KDM4C: variants seen among roughly 807,000 people sequenced by gnomAD.
KDM4C encodes lysine-specific demethylase 4C.
Under a neutral mutation model 129.3 loss-of-function variants are expected in KDM4C, and 81 were observed. The ratio of observed to expected loss-of-function variants is 0.63; its 90% CI spans 0.52 to 0.75. KDM4C has a LOEUF of 0.75. Ranked by LOEUF, KDM4C falls within the 30% of genes least tolerant of loss-of-function variation. The pLI, the probability that KDM4C is intolerant of heterozygous loss-of-function variation, is 0.00. For synonymous variants in KDM4C, 573 were observed against 456.1 expected, an observed-to-expected ratio of 1.26 and a Z score of -3.26; for missense variants, 1,457 against 1,304.0, an observed-to-expected ratio of 1.12 and a Z score of -1.81.
intron 4 of KDM4C, chr9:6,835,424 TGAA>T: frequency 8.6e-7 from 1 of 1,169,440 alleles, no homozygotes; most frequent in Admixed American, 1.7e-5. Flanking sequence ...CCCAGCACGA[TGAA>T]GATCAAGATC....
At chr9:6,777,630 G>T (rs1217906984) in intron 1 of KDM4C, among the ~76,000 whole-genome samples, 1 of 152,096 alleles carries the variant, frequency 6.6e-6, no homozygotes, top group Non-Finnish European at 1.5e-5. Context: ...CCAGGTCCTT[G>T]AAGTTAAAAT....
chr9:6,805,439 A>G (rs1829785230), intron 2 of KDM4C, among the ~76,000 whole-genome samples, 160 bp from the exon 3 acceptor site: 1 of 151,656 alleles, frequency 6.6e-6, no homozygotes, highest in Non-Finnish European at 1.5e-5. Flanking sequence ...GAATAACATC[A>G]TATTGCTTTA....
chr9:6,770,950 A>T (rs1313052064), intron 1 of KDM4C, among the ~76,000 whole-genome samples: 1 of 150,196 alleles, frequency 6.7e-6, no homozygotes, highest in Admixed American at 6.6e-5. Flanking sequence ...TAATTTTTGT[A>T]TTTTCAGTAG....
chr9:6,854,482 G>A (rs1488221120), intron 5 of KDM4C, among the ~76,000 whole-genome samples: 3 of 132,246 alleles, frequency 2.3e-5, no homozygotes, highest in African/African-American at 5.8e-5. Flanking sequence ...CTGAGATCGC[G>A]CCATTGCACT....
intron 12 of KDM4C, among the ~76,000 whole-genome samples, chr9:7,005,899 A>G (rs1021065051): frequency 9.3e-5 from 14 of 150,954 alleles, no homozygotes; most frequent in African/African-American, 3.2e-4. Context: ...GATAGGTTGG[A>G]GCAGAGCTCT....
At chr9:6,834,555 T>G in intron 4 of KDM4C, 2 of 699,444 alleles carry the variant, frequency 2.9e-6, no homozygotes, top group Admixed American at 1.9e-5. Flanking sequence ...TTCCCCTTCA[T>G]CGTGTGGCAC....
At chr9:6,952,450 TG>T (rs1828336499) in intron 8 of KDM4C, among the ~76,000 whole-genome samples, 1 of 150,476 alleles carries the variant, frequency 6.6e-6, no homozygotes. Context: ...TATTATTATA[TG>T]TTTTTTTGAG....
In KDM4C at chr9:7,156,833, TGG is replaced by T. The variant is rs572114901; in HGVS notation, c.2782-8403_2782-8402del. Among the ~76,000 whole-genome samples, 741 of 152,300 alleles carry T rather than the reference TGG, an allele frequency of 4.9e-3. 1 individual carries two copies. The highest frequency in any genetic ancestry group is 8.8e-3 in the Non-Finnish European group (599 of 68,012). On this transcript the variant is annotated intron_variant, in intron 19 of 21. Coordinates refer to ENST00000381309, the MANE Select transcript of KDM4C (RefSeq NM_015061.6). The stretch of plus-strand genomic sequence containing the variant: ...TTGGCTTAGGATTGTCTTGGCAATG[TGG>T]GTTCTTTTTTGGTTCCATATGAACT...
chr9:7,008,794 G>GA (rs906340069), intron 12 of KDM4C, among the ~76,000 whole-genome samples: 1 of 152,196 alleles, frequency 6.6e-6, no homozygotes, highest in African/African-American at 2.4e-5. Context: ...CTCACATACT[G>GA]ACGCAGACAC....
chr9:7,142,853 C>CTGTGTG lies in KDM4C; in HGVS notation c.2781+14633_2781+14638dup, dbSNP rs59576344. Among the ~76,000 whole-genome samples the CTGTGTG allele has an allele frequency of 2.1e-4, 31 of 150,232 alleles. No homozygotes were observed. The East Asian group carries it at 2.1e-3, about 10-fold the overall frequency. ...AGGATTTTAAAAATGCTCATACAGG[C>CTGTGTG]TGTGTGTGTGTGTGTGTGTGTACAC... On this transcript the variant is annotated intron_variant, in intron 19 of 21. Transcript: ENST00000381309.
intron 1 of KDM4C, among the ~76,000 whole-genome samples, chr9:6,782,276 G>A (rs542822688): frequency 5.1e-4 from 78 of 152,316 alleles, no homozygotes; most frequent in African/African-American, 1.8e-3. Context: ...GGGAGTCAAC[G>A]TGTAAGATAA....
At chr9:6,970,800 G>T (rs10119010) in intron 8 of KDM4C, among the ~76,000 whole-genome samples, 4 of 89,268 alleles carry the variant, frequency 4.5e-5, no homozygotes, top group African/African-American at 1.8e-4. Context: ...CCCACCCCCC[G>T]CCCCTAACCC....
intron 3 of KDM4C, among the ~76,000 whole-genome samples, chr9:6,807,803 A>G (rs1830327706): frequency 7.7e-6 from 1 of 129,900 alleles, no homozygotes; most frequent in Non-Finnish European, 1.6e-5. Context: ...GGGGGGGGTC[A>G]GCCCCCCGCC....
intron 1 of KDM4C, among the ~76,000 whole-genome samples, chr9:6,771,268 T>A (rs1423099662): frequency 6.6e-6 from 1 of 151,270 alleles, no homozygotes; most frequent in African/African-American, 2.4e-5. Flanking sequence ...AAAGTTTGCG[T>A]ATTAAATTGT....
chr9:6,948,313 A>T (rs1827337054), intron 8 of KDM4C: 1 of 152,230 alleles, frequency 6.6e-6, no homozygotes, highest in Non-Finnish European at 1.5e-5. Flanking sequence ...AGTTTCAAAT[A>T]ACTCTTAAGC....
intron 3 of KDM4C, among the ~76,000 whole-genome samples, chr9:6,807,481 G>A (rs1488401768): frequency 2.7e-5 from 4 of 146,674 alleles, no homozygotes; most frequent in Non-Finnish European, 6.0e-5. Context: ...AGTGAGGAGC[G>A]TCTCTGCCCG....
chr9:6,725,096 T>A (rs926317231), intron 1 of KDM4C, among the ~76,000 whole-genome samples: 4 of 152,164 alleles, frequency 2.6e-5, no homozygotes, highest in Non-Finnish European at 5.9e-5. Context: ...TCACATCTCC[T>A]ACTTCCTCTT....
chr9:6,935,693 G>A (rs944240236), intron 8 of KDM4C, among the ~76,000 whole-genome samples: 7 of 151,312 alleles, frequency 4.6e-5, no homozygotes, highest in East Asian at 1.9e-4. Context: ...CCAAAACTTC[G>A]TTTTTATTAG....
At chr9:7,062,795 CCCAGAAATT>C (rs1246582153) in intron 17 of KDM4C, among the ~76,000 whole-genome samples, 4 of 152,210 alleles carry the variant, frequency 2.6e-5, no homozygotes, top group Admixed American at 2.6e-4. Flanking sequence ...TGCCTTTTAA[CCCAGAAATT>C]CCATGAAGTG....
Sources: allele counts gnomAD v4.1 joint callset (sites outside exome capture counted in the v4.1 genomes callset), GRCh38; gene constraint gnomAD v4.1.1; transcripts MANE v1.5; gene names NCBI Gene and HGNC (gene_info 2026-07-23, HGNC 2026-07-21).